PPFIA2: variants seen among roughly 807,000 people sequenced by gnomAD.
PPFIA2 encodes liprin-alpha-2.
PPFIA2 carries 46 observed loss-of-function variants against 175.5 expected under a neutral mutation model. The ratio of observed to expected loss-of-function variants is 0.26; its 90% CI spans 0.21 to 0.34. The LOEUF is 0.34. Ranked by LOEUF, PPFIA2 falls within the 10% of genes least tolerant of loss-of-function variation. The pLI is 1.00. For missense variants in PPFIA2, 1,179 were observed against 1,506.1 expected, an observed-to-expected ratio of 0.78 and a Z score of 3.60; for synonymous variants, 568 against 511.4, an observed-to-expected ratio of 1.11 and a Z score of -1.49.
intron 4 of PPFIA2, among the ~76,000 whole-genome samples, chr12:81,505,246 TG>T (rs1271451859): frequency 6.7e-6 from 1 of 148,630 alleles, no homozygotes; most frequent in African/African-American, 2.5e-5. Flanking sequence ...ATTCTGCACA[TG>T]TATCCCAGAA....
chr12:81,726,018 C>G (rs1053253930), intron 3 of PPFIA2, among the ~76,000 whole-genome samples: 2 of 151,080 alleles, frequency 1.3e-5, no homozygotes, highest in Non-Finnish European at 3.0e-5. Flanking sequence ...CTCATATTCA[C>G]TTTCAATGGA....
At chr12:81,597,737 G>T (rs2059394619) in intron 4 of PPFIA2, among the ~76,000 whole-genome samples, 1 of 57,918 alleles carries the variant, frequency 1.7e-5, no homozygotes, top group Non-Finnish European at 3.2e-5. Flanking sequence ...GGAAAATTGT[G>T]TTCACTATTT....
intron 4 of PPFIA2, among the ~76,000 whole-genome samples, chr12:81,656,990 C>A (rs1379243751): frequency 6.6e-6 from 1 of 151,992 alleles, no homozygotes; most frequent in Non-Finnish European, 1.5e-5. Context: ...TATGAATATA[C>A]AATCAGATCC....
rs189963245 is a variant in PPFIA2, at chr12:81,525,176, C to A, written c.304-67310G>T. Among the ~76,000 whole-genome samples the A allele has an allele frequency of 2.0e-5, 3 of 152,252 alleles. No individual in the cohort carries two copies. In the East Asian group the frequency reaches 5.8e-4, roughly 29 times the overall value. On this transcript the variant is annotated intron_variant, in intron 4 of 32. Transcript: ENST00000549396. ...ACCCCTTTAGATAGAGTCAATTTGG[C>A]TCCTGTGATGGATAGATCCTATGGA... is the stretch of plus-strand genomic sequence containing the variant.
intron 4 of PPFIA2, among the ~76,000 whole-genome samples, chr12:81,504,455 C>A (rs909207405): frequency 1.3e-5 from 2 of 152,234 alleles, no homozygotes; most frequent in Admixed American, 6.5e-5. Context: ...CACCATCTCA[C>A]ACCAGTTAGA....
chr12:81,678,445 G>T (rs1167116268), intron 3 of PPFIA2, among the ~76,000 whole-genome samples: 1 of 151,786 alleles, frequency 6.6e-6, no homozygotes, highest in African/African-American at 2.4e-5. Context: ...TGTTATAACT[G>T]TTTCTATCTG....
At chr12:81,606,112 C>T (rs1048233044) in intron 4 of PPFIA2, among the ~76,000 whole-genome samples, 3 of 151,876 alleles carry the variant, frequency 2.0e-5, no homozygotes, top group Non-Finnish European at 4.4e-5. Context: ...AAGATTATGG[C>T]CTCCAGCTCC....
intron 4 of PPFIA2, among the ~76,000 whole-genome samples, chr12:81,656,700 C>T (rs897491423): frequency 1.3e-5 from 2 of 151,614 alleles, no homozygotes; most frequent in Admixed American, 1.3e-4. Context: ...TAAGAATATC[C>T]AGAGAATTTA....
At chr12:81,754,295 C>T in intron 2 of PPFIA2, 72 bp from the exon 3 acceptor site, 1 of 1,507,700 alleles carries the variant, frequency 6.6e-7, no homozygotes, top group Admixed American at 2.0e-5. Flanking sequence ...GAGAGCAATT[C>T]ACTAAATATT....
chr12:81,600,125 G>A (rs1407667955), intron 4 of PPFIA2, among the ~76,000 whole-genome samples: 2 of 151,864 alleles, frequency 1.3e-5, no homozygotes, highest in African/African-American at 2.4e-5. Flanking sequence ...AGAAATGGCG[G>A]AAATTAAGCT....
At chr12:81,654,019 A>T (rs889576057) in intron 4 of PPFIA2, among the ~76,000 whole-genome samples, 2 of 152,022 alleles carry the variant, frequency 1.3e-5, no homozygotes, top group African/African-American at 4.8e-5. Context: ...ATATGGGAAC[A>T]TTTCTTAATT....
Position 81,457,775 on chromosome 12 carries a change from T to C in PPFIA2, c.395A>G (p.Asn132Ser), listed in dbSNP as rs1012100691. 2 of 1,603,712 alleles carry C rather than the reference T, an allele frequency of 1.2e-6. No homozygotes were observed. The highest frequency in any genetic ancestry group is 1.1e-5 in the South Asian group (1 of 89,106). The change falls in exon 5 of 33, where the codon AAC becomes AGC. Residue 132 changes from asparagine to serine, a missense_variant. Asn to Ser is a conservative substitution (Grantham distance 46). Around this residue, in one of 10 missense-constraint regions of PPFIA2, gnomAD observed 49 missense variants for 108.9 expected, o/e 0.45. Coordinates refer to ENST00000549396, the MANE Select transcript of PPFIA2 (RefSeq NM_003625.5). ...EEISELKAER[N>S]NTRLLLEHLE... ...CTGCTTTACACTTACTCTTGTGTTGTTTCTTTCAGCTTTAAGTTCAGAGAT... is the reference window on the plus strand; with the variant it reads ...CTGCTTTACACTTACTCTTGTGTTGCTTCTTTCAGCTTTAAGTTCAGAGAT...
chr12:81,490,416 A>C (rs1282690397), intron 4 of PPFIA2, among the ~76,000 whole-genome samples: 1 of 151,900 alleles, frequency 6.6e-6, no homozygotes, highest in Non-Finnish European at 1.5e-5. Flanking sequence ...TCTCCTTGGT[A>C]GTGTCTCTCA....
intron 7 of PPFIA2, among the ~76,000 whole-genome samples, chr12:81,414,120 A>G (rs557435384): frequency 1.3e-5 from 2 of 151,968 alleles, no homozygotes; most frequent in South Asian, 4.1e-4. Context: ...GAAGTCATAC[A>G]GAAAAAGACA....
Position 81,358,134 on chromosome 12 carries a change from A to C in PPFIA2, c.1721T>G (p.Val574Gly), listed in dbSNP as rs1055280424. The C allele has an allele frequency of 6.2e-7, 1 of 1,602,154 alleles. No homozygotes were observed. The highest frequency in any genetic ancestry group is 8.5e-7 in the Non-Finnish European group (1 of 1,173,992). The change falls in exon 16 of 33, where the codon GTA becomes GGA. Residue 574 changes from valine to glycine, a missense_variant. By Grantham distance (109) the Val-to-Gly change is moderately radical. Around this residue, in one of 10 missense-constraint regions of PPFIA2, gnomAD observed 186 missense variants for 163.6 expected, o/e 1.14. Transcript: ENST00000549396. ...GCGGCCTCTCCTTGGTCTTCTTATTACTTTAGTTGTTCTGTAATCAGACTG... is the reference window on the plus strand; with the variant it reads ...GCGGCCTCTCCTTGGTCTTCTTATTCCTTTAGTTGTTCTGTAATCAGACTG... ...DSQSDYRTTK[V>G]IRRPRRGRMG...
Position 81,511,047 on chromosome 12 carries a change from A to G in PPFIA2, c.304-53181T>C, listed in dbSNP as rs185586471. Among the ~76,000 whole-genome samples the G allele has an allele frequency of 1.4e-3, 214 of 152,220 alleles. 6 individuals are homozygous for G. The South Asian group carries it at 0.03, about 22-fold the overall frequency. ...ACATACACAACAATAATTTACCAGG[A>G]AAAGGAAAGCCATGTTCAATAAGAT... On this transcript the variant is annotated intron_variant, in intron 4 of 32. Transcript: ENST00000549396.
At chr12:81,272,796 A>T (rs2039488333) in intron 28 of PPFIA2, among the ~76,000 whole-genome samples, 1 of 152,196 alleles carries the variant, frequency 6.6e-6, no homozygotes, top group African/African-American at 2.4e-5. Context: ...AGTTATAATA[A>T]GGGCAGATCA....
chr12:81,292,036 T>C (rs1228993260), intron 24 of PPFIA2, among the ~76,000 whole-genome samples: 1 of 152,220 alleles, frequency 6.6e-6, no homozygotes, highest in Non-Finnish European at 1.5e-5. Flanking sequence ...GTTGGTTAAA[T>C]AGTTTTAGAA....
At chr12:81,295,931 A>G (rs184158654) in intron 23 of PPFIA2, among the ~76,000 whole-genome samples, 1 of 152,300 alleles carries the variant, frequency 6.6e-6, no homozygotes, top group East Asian at 1.9e-4. Flanking sequence ...CAGAGGTTGC[A>G]GTGAGCTGAG....
Sources: allele counts gnomAD v4.1 joint callset (sites outside exome capture counted in the v4.1 genomes callset), GRCh38; gene constraint gnomAD v4.1.1; regional missense constraint gnomAD v4.1.1; transcripts MANE v1.5; gene names NCBI Gene and HGNC (gene_info 2026-07-23, HGNC 2026-07-21).